SMG6: variants seen among roughly 807,000 people sequenced by gnomAD.
SMG6 encodes the protein SMG6 nonsense mediated mRNA decay factor.
A neutral mutation model predicts 142.2 loss-of-function variants in SMG6; 66 were observed. The ratio of observed to expected loss-of-function variants is 0.46; its 90% CI spans 0.38 to 0.57. The LOEUF (loss-of-function observed/expected upper bound fraction) is 0.57, where lower values mean the gene tolerates loss of function less well. SMG6 is among the 20% of genes least tolerant of loss of function. The pLI is 0.00. For missense variants in SMG6, 1,793 were observed against 1,832.0 expected, an observed-to-expected ratio of 0.98 and a Z score of 0.39; for synonymous variants, 779 against 702.4, an observed-to-expected ratio of 1.11 and a Z score of -1.72.
chr17:2,091,350 G>A (rs16951881), intron 13 of SMG6, among the ~76,000 whole-genome samples: 1 of 152,180 alleles, frequency 6.6e-6, no homozygotes, highest in Non-Finnish European at 1.5e-5. Flanking sequence ...TGCACAGTCA[G>A]TCTGAAGACA....
chr17:2,110,802 G>A (rs1056470613), intron 13 of SMG6, among the ~76,000 whole-genome samples: 3 of 152,262 alleles, frequency 2.0e-5, no homozygotes, highest in East Asian at 1.9e-4. Flanking sequence ...CCCAGAAAGA[G>A]CTCCCACCCC....
At chr17:2,183,003 C>T (rs1026522499) in intron 12 of SMG6, among the ~76,000 whole-genome samples, 4 of 152,068 alleles carry the variant, frequency 2.6e-5, no homozygotes, top group Non-Finnish European at 4.4e-5. Context: ...GCAGGCAGAC[C>T]GCTTTAGCCC....
intron 8 of SMG6, among the ~76,000 whole-genome samples, chr17:2,251,766 G>C (rs1159755603): frequency 1.3e-5 from 2 of 152,202 alleles, no homozygotes; most frequent in Non-Finnish European, 2.9e-5. Flanking sequence ...CGAGCTCAGA[G>C]TACCTGGCTG....
chr17:2,078,807 G>C (rs2068330822), intron 15 of SMG6, among the ~76,000 whole-genome samples: 1 of 152,120 alleles, frequency 6.6e-6, no homozygotes, highest in African/African-American at 2.4e-5. Flanking sequence ...GAAGACAAGG[G>C]GTCATTCATC....
chr17:2,173,919 C>T (rs1025783946), intron 12 of SMG6, among the ~76,000 whole-genome samples: 4 of 146,682 alleles, frequency 2.7e-5, no homozygotes, highest in Non-Finnish European at 5.9e-5. Context: ...TAGGGCCTGC[C>T]AAGGCTACAG....
intron 14 of SMG6, among the ~76,000 whole-genome samples, chr17:2,082,954 C>G (rs571885479): frequency 6.6e-6 from 1 of 152,234 alleles, no homozygotes; most frequent in Non-Finnish European, 1.5e-5. Flanking sequence ...TTAATCCTCA[C>G]AACAGCCTGT....
In SMG6 at chr17:2,085,958, C is replaced by T. The variant is rs953518131; in HGVS notation, c.3358-57G>A. On this transcript the variant is annotated intron_variant, in intron 13 of 18. Transcript: ENST00000263073. The surrounding 1 kb of genome is among the most constrained non-coding windows in gnomAD (Gnocchi z 4.1). The stretch of plus-strand genomic sequence containing the variant: ...CATTTTCTGAAAGGGAAGATGGAGA[C>T]GAGATGTTGCTTGCCGGCTGAGGGG... 1.4e-5 allele frequency: 22 copies of T among 1,559,832 alleles called. No individual in the cohort carries two copies. Among genetic ancestry groups the T allele is most frequent in the South Asian group, 6.7e-5 (6 of 89,596 alleles).
At chr17:2,121,633 GTGTGTGTGTGTGT>G (rs1422765607) in intron 13 of SMG6, among the ~76,000 whole-genome samples, 2 of 107,644 alleles carry the variant, frequency 1.9e-5, no homozygotes, top group Non-Finnish European at 4.2e-5. Context: ...GTGTGTGTGT[GTGTGTGTGTGTGT>G]AGAGAGAGAG....
chr17:2,172,663 C>T lies in SMG6; in HGVS notation c.3352G>A (p.Asp1118Asn), dbSNP rs1227471197. ...QDPCYVEKTS[D>N]KVIAADCKRV... The stretch of plus-strand genomic sequence containing the variant: ...ATGTTTGGCCTGGGGCTGACCTTAT[C>T]CGAGGTTTTCTCCACGTAGCAGGGG... The change falls in exon 13 of 19, where the codon GAT (aspartate) becomes AAT (asparagine). Residue 1118 changes from aspartate (D) to asparagine (N), a missense_variant. By Grantham distance (23) the Asp-to-Asn change is conservative. Coordinates refer to ENST00000263073, the MANE Select transcript of SMG6 (RefSeq NM_017575.5). The T allele has an allele frequency of 1.9e-6, 3 of 1,613,322 alleles. No homozygotes were observed. Among genetic ancestry groups the T allele is most frequent in the East Asian group, 2.2e-5 (1 of 44,870 alleles).
At chr17:2,303,118 T>C (rs1597250328) in intron 1 of SMG6, 1 of 985,206 alleles carries the variant, frequency 1.0e-6, no homozygotes, top group African/African-American at 1.7e-5. Flanking sequence ...TAGTCTGAGG[T>C]CCCGGATCCC....
chr17:2,282,639 G>C lies in SMG6; in HGVS notation c.2661+8C>G. ...GTTTGGCTCATTGCATCATTCTCAG[G>C]AACTTACATCACTGGGACTCAGGCT... On this transcript the variant is annotated splice_region_variant and intron_variant, in intron 8 of 18. Coordinates refer to ENST00000263073, the MANE Select transcript of SMG6 (RefSeq NM_017575.5). 2 of 1,613,324 alleles carry C rather than the reference G, an allele frequency of 1.2e-6. No homozygotes were observed. Among genetic ancestry groups the C allele is most frequent in the Admixed American group, 3.3e-5 (2 of 59,994 alleles).
intron 10 of SMG6, among the ~76,000 whole-genome samples, chr17:2,220,527 G>T (rs1308903110): frequency 6.6e-6 from 1 of 152,176 alleles, no homozygotes; most frequent in Non-Finnish European, 1.5e-5. Context: ...CTACTTGGGA[G>T]GCTGAGACAG....
At chr17:2,130,335 C>T (rs1486996674) in intron 13 of SMG6, among the ~76,000 whole-genome samples, 2 of 147,068 alleles carry the variant, frequency 1.4e-5, no homozygotes, top group Admixed American at 6.8e-5. Context: ...AAATATGATA[C>T]TTAAATTAGT....
intron 10 of SMG6, among the ~76,000 whole-genome samples, chr17:2,203,790 T>G (rs1434551409): frequency 6.6e-6 from 1 of 152,164 alleles, no homozygotes; most frequent in Admixed American, 6.6e-5. Context: ...AACCCACCTC[T>G]GCTGGCGTGA....
intron 15 of SMG6, among the ~76,000 whole-genome samples, chr17:2,069,888 C>T (rs775955419): frequency 3.3e-5 from 5 of 152,172 alleles, no homozygotes; most frequent in African/African-American, 7.2e-5. Context: ...ATTATTTACT[C>T]GACGTTTTTC....
intron 13 of SMG6, among the ~76,000 whole-genome samples, chr17:2,123,357 T>C (rs2069764650): frequency 6.6e-6 from 1 of 152,192 alleles, no homozygotes; most frequent in South Asian, 2.1e-4. Context: ...AAGAGCCATA[T>C]GGCTTAAACC....
chr17:2,208,321 C>T (rs918829819), intron 10 of SMG6, among the ~76,000 whole-genome samples: 1 of 152,130 alleles, frequency 6.6e-6, no homozygotes, highest in African/African-American at 2.4e-5. Context: ...CAGACCTGTA[C>T]TACAGGCCTC....
At chr17:2,185,757 C>T (rs1010726807) in intron 12 of SMG6, among the ~76,000 whole-genome samples, 7 of 151,020 alleles carry the variant, frequency 4.6e-5, no homozygotes, top group East Asian at 3.9e-4. Flanking sequence ...AGTGAGAAGA[C>T]GGGGACGAGG....
At chr17:2,088,776 G>T (rs2068635140) in intron 13 of SMG6, 1 of 985,290 alleles carries the variant, frequency 1.0e-6, no homozygotes, top group Admixed American at 6.2e-5. Flanking sequence ...CTTGCCCAGA[G>T]GCACAGAGAA....
Sources: allele counts gnomAD v4.1 joint callset (sites outside exome capture counted in the v4.1 genomes callset), GRCh38; gene constraint gnomAD v4.1.1; non-coding constraint Gnocchi (gnomAD v3.1); transcripts MANE v1.5; gene names NCBI Gene and HGNC (gene_info 2026-07-23, HGNC 2026-07-21).